ARHGAP42: variants seen among roughly 807,000 people sequenced by gnomAD.
ARHGAP42 encodes the protein rho GTPase-activating protein 42.
In ARHGAP42, 63 loss-of-function variants were observed where a neutral mutation model predicts 125.0. The observed-to-expected ratio is 0.50, with a 90% CI of 0.41 to 0.62. The LOEUF is 0.62. ARHGAP42 is among the 20% of genes least tolerant of loss of function. ARHGAP42 has a pLI of 0.00. For missense variants in ARHGAP42, 766 were observed against 1,024.2 expected, an observed-to-expected ratio of 0.75 and a Z score of 3.44; for synonymous variants, 339 against 351.0, an observed-to-expected ratio of 0.97 and a Z score of 0.38.
chr11:100,962,689 C>A (rs1243138366), intron 16 of ARHGAP42, among the ~76,000 whole-genome samples: 1 of 152,000 alleles, frequency 6.6e-6, no homozygotes, highest in Non-Finnish European at 1.5e-5. Context: ...CCAGCCTGAC[C>A]AACATGGAGA....
chr11:100,811,736 G>C (rs1477152272), intron 3 of ARHGAP42, among the ~76,000 whole-genome samples: 1 of 152,018 alleles, frequency 6.6e-6, no homozygotes, highest in Non-Finnish European at 1.5e-5. Context: ...CTGACCTCAA[G>C]TGATCCGCCT....
chr11:100,764,025 C>CTTTTTTTTT (rs772607133), intron 1 of ARHGAP42, among the ~76,000 whole-genome samples: 2 of 101,508 alleles, frequency 2.0e-5, no homozygotes. Flanking sequence ...TCTTCTTCTT[C>CTTTTTTTTT]TTTTTTTTTT....
intron 2 of ARHGAP42, among the ~76,000 whole-genome samples, chr11:100,785,030 C>T (rs560268067): frequency 2.0e-5 from 3 of 152,090 alleles, no homozygotes; most frequent in African/African-American, 7.2e-5. Context: ...TTCCTTGGAC[C>T]TCATTAGGAT....
Position 100,779,467 on chromosome 11 carries a change from AAT to A in ARHGAP42, c.250+9047_250+9048del, listed in dbSNP as rs1554996405. ...TCTCAAAAAAAAAAAAAAAAAAAAA[AAT>A]ATATATATATATATATACACACACA... On this transcript the variant is annotated intron_variant, in intron 2 of 23. Coordinates refer to ENST00000298815, the MANE Select transcript of ARHGAP42 (RefSeq NM_152432.4). Among the ~76,000 whole-genome samples, 429 of 85,632 alleles carry A rather than the reference AAT, an allele frequency of 5.0e-3. 5 individuals carry two copies. The highest frequency in any genetic ancestry group is 0.011 in the African/African-American group (227 of 20,698). The allele number at this position is 85,632 out of a possible 152,430, so 56.2% of individuals were successfully genotyped here. A position where few individuals can be genotyped will look rare whatever the true frequency, so the allele number is the denominator to read the frequency against.
chr11:100,934,050 T>G (rs1867660511), intron 7 of ARHGAP42, among the ~76,000 whole-genome samples: 1 of 152,192 alleles, frequency 6.6e-6, no homozygotes, highest in South Asian at 2.1e-4. Flanking sequence ...GCCTCCCAAG[T>G]GCTGGGATTA....
intron 4 of ARHGAP42, among the ~76,000 whole-genome samples, chr11:100,881,701 A>T (rs1865966530): frequency 6.6e-6 from 1 of 152,168 alleles, no homozygotes; most frequent in Non-Finnish European, 1.5e-5. Context: ...GATTCTACCC[A>T]TCCGTGAGCA....
intron 2 of ARHGAP42, among the ~76,000 whole-genome samples, chr11:100,776,967 A>T (rs1863141793): frequency 6.9e-6 from 1 of 145,334 alleles, no homozygotes. Flanking sequence ...TGGGCAACAA[A>T]GTGAACACTG....
intron 17 of ARHGAP42, among the ~76,000 whole-genome samples, chr11:100,970,328 T>C (rs536988135): frequency 3.5e-4 from 54 of 152,242 alleles, no homozygotes; most frequent in Non-Finnish European, 6.3e-4. Flanking sequence ...ATGAAGTCTA[T>C]TTCCCCCTCT....
intron 4 of ARHGAP42, among the ~76,000 whole-genome samples, chr11:100,904,719 T>G (rs1013214133): frequency 6.6e-6 from 1 of 152,228 alleles, no homozygotes; most frequent in African/African-American, 2.4e-5. Flanking sequence ...GCATTTTACT[T>G]TGCAAGGAAC....
At chr11:100,766,239 G>GT (rs1189464119) in intron 1 of ARHGAP42, among the ~76,000 whole-genome samples, 6 of 151,260 alleles carry the variant, frequency 4.0e-5, no homozygotes, top group African/African-American at 1.5e-4. Context: ...GTGTGTGTGT[G>GT]TGTGGTGTGG....
chr11:100,928,238 A>G (rs2135253893), intron 6 of ARHGAP42, among the ~76,000 whole-genome samples: 1 of 152,234 alleles, frequency 6.6e-6, no homozygotes, highest in East Asian at 1.9e-4. Context: ...ACTATATAAC[A>G]TTTTGATTTC....
chr11:100,847,239 A>G lies in ARHGAP42; in HGVS notation c.313-12315A>G, dbSNP rs375551450. Reference sequence around the variant, plus strand: ...CTGAGGGTTCAGATGTTCCACATAGATAAGTAATGAATCTCCAGTTGGCCA... The same window carrying G: ...CTGAGGGTTCAGATGTTCCACATAGGTAAGTAATGAATCTCCAGTTGGCCA... On this transcript the variant is annotated intron_variant, in intron 3 of 23. Coordinates refer to ENST00000298815, the MANE Select transcript of ARHGAP42 (RefSeq NM_152432.4). Among the ~76,000 whole-genome samples the G allele has an allele frequency of 3.9e-5, 6 of 152,294 alleles. No individual in the cohort carries two copies. The East Asian group carries it at 1.2e-3, about 29-fold the overall frequency.
chr11:100,970,573 C>T (rs1408356741), intron 17 of ARHGAP42, among the ~76,000 whole-genome samples: 1 of 151,412 alleles, frequency 6.6e-6, no homozygotes, highest in Non-Finnish European at 1.5e-5. Flanking sequence ...CAGCTCCTTG[C>T]CAGGTCACTT....
intron 1 of ARHGAP42, among the ~76,000 whole-genome samples, chr11:100,768,982 G>A (rs765830388): frequency 3.3e-5 from 5 of 152,172 alleles, no homozygotes; most frequent in South Asian, 2.1e-4. Flanking sequence ...AGCCTAGATG[G>A]TATAGCCTAC....
At chr11:100,876,637 G>T (rs972349392) in intron 4 of ARHGAP42, among the ~76,000 whole-genome samples, 1 of 152,190 alleles carries the variant, frequency 6.6e-6, no homozygotes, top group African/African-American at 2.4e-5. Context: ...GAACTCATTT[G>T]TTAGCCAACA....
At chr11:100,705,118 TTGTACTTC>T (rs1227910624) in intron 1 of ARHGAP42, among the ~76,000 whole-genome samples, 1 of 152,118 alleles carries the variant, frequency 6.6e-6, no homozygotes, top group African/African-American at 2.4e-5. Flanking sequence ...AGATTGTGCT[TTGTACTTC>T]TGTCAGGATA....
chr11:100,809,019 T>G (rs765495304), intron 3 of ARHGAP42, among the ~76,000 whole-genome samples: 17 of 152,152 alleles, frequency 1.1e-4, no homozygotes, highest in Non-Finnish European at 2.4e-4. Context: ...CATTGGGGCA[T>G]CTCATTTATC....
At chr11:100,730,902 G>A (rs6590816) in intron 1 of ARHGAP42, among the ~76,000 whole-genome samples, 59,761 of 152,034 alleles carry the variant, frequency 0.39, 13,276 homozygotes, top group African/African-American at 0.62. Flanking sequence ...AAAAATTTGT[G>A]TATCTAAATA....
At chr11:100,986,898 A>G (rs1356745947) in intron 22 of ARHGAP42, among the ~76,000 whole-genome samples, 1 of 151,660 alleles carries the variant, frequency 6.6e-6, no homozygotes, top group East Asian at 1.9e-4. Context: ...GCATATAGTG[A>G]CAGAGGTTGG....
Sources: allele counts gnomAD v4.1 joint callset (sites outside exome capture counted in the v4.1 genomes callset), GRCh38; gene constraint gnomAD v4.1.1; transcripts MANE v1.5; gene names NCBI Gene and HGNC (gene_info 2026-07-23, HGNC 2026-07-21).